The following DNAH14 variants were observed in gnomAD, a reference collection of about 807,000 sequenced individuals.
DNAH14 encodes the protein dynein axonemal heavy chain 14, also known as axonemal beta dynein heavy chain 14.
Under a neutral mutation model 520.9 loss-of-function variants are expected in DNAH14, and 478 were observed. That is an observed-to-expected ratio of 0.92 (90% CI 0.85 to 0.99). The LOEUF is 0.99. DNAH14 is among the 50% of genes least tolerant of loss of function. The pLI, the probability that DNAH14 is intolerant of heterozygous loss-of-function variation, is 0.00. For missense variants in DNAH14, 4,831 were observed against 5,234.5 expected (o/e 0.92, Z 2.38); for synonymous variants, 1,581 against 1,757.2 (o/e 0.90, Z 2.51).
chr1:224,935,722 A>G (rs2058990242), intron 1 of DNAH14, among the ~76,000 whole-genome samples: 1 of 151,924 alleles, frequency 6.6e-6, no homozygotes, highest in Admixed American at 6.6e-5. Context: ...TGAACTTAAC[A>G]AACATTTGCA....
rs569291208 is a variant in DNAH14 at position 225,357,774 on chromosome 1, T to A, written c.11620-722T>A. ...AACCTGGTACATCAAACAGGCACAC[T>A]GACGTGTGTAGCTTCAGTTTTGCTT... On this transcript the variant is annotated intron_variant, in intron 73 of 85. Coordinates refer to ENST00000682510, the MANE Select transcript of DNAH14 (RefSeq NM_001367479.1). 18 of 701,954 alleles carry A rather than the reference T, an allele frequency of 2.6e-5. No individual in the cohort carries two copies. In the South Asian group the frequency reaches 2.7e-4, roughly 10 times the overall value. 43.5% of individuals were successfully genotyped at this position (701,954 alleles called of 1,614,324 possible). A position where few individuals can be genotyped will look rare whatever the true frequency, so the allele number is the denominator to read the frequency against.
intron 53 of DNAH14, 121 bp downstream of exon 53, chr1:225,276,202 T>C (rs562889787): frequency 5.9e-6 from 1 of 169,808 alleles, no homozygotes; most frequent in South Asian, 1.9e-4. Context: ...TGTGTTTGTG[T>C]GTGAGAGAGA....
rs2095098623 is a variant in DNAH14 at position 225,338,083 on chromosome 1, C to T, written c.10334C>T (p.Pro3445Leu). The T allele has an allele frequency of 6.5e-7, 1 of 1,549,160 alleles. No individual in the cohort carries two copies. Among genetic ancestry groups the T allele is most frequent in the Non-Finnish European group, 8.7e-7 (1 of 1,146,272 alleles). The stretch of plus-strand genomic sequence containing the variant: ...CAGAATCTCCTTGAGACATTAGCTC[C>T]AGGCTTAAAGGCAATTCTGAAAAAG... The part of the protein sequence containing the change: ...LLQNLLETLA[P>L]GLKAILKKDI... Residue 3445 changes from proline (P) to leucine (L), a missense_variant, in exon 68 of 86, where the codon CCA becomes CTA. Physicochemically the swap from Pro to Leu is moderately conservative, Grantham distance 98. Transcript: ENST00000682510.
In DNAH14 at chr1:225,275,043, G is replaced by A. The variant is rs115806834; in HGVS notation, c.8011-871G>A. On this transcript the variant is annotated intron_variant, in intron 52 of 85. Transcript: ENST00000682510. ...TCCTGATTTTACAGATGAAGAAACC[G>A]AGCAGAGTAAGATTAAGATCTCACC... 4.6e-3 allele frequency among the ~76,000 whole-genome samples: 700 copies of A among 152,232 alleles called. 4 individuals carry two copies. The highest frequency in any genetic ancestry group is 0.016 in the African/African-American group (663 of 41,536).
intron 82 of DNAH14, 47 bp downstream of exon 82, chr1:225,388,538 GC>G (rs1428151178): frequency 8.5e-7 from 1 of 1,173,118 alleles, no homozygotes; most frequent in East Asian, 2.6e-5. Flanking sequence ...TTTGCTTAAA[GC>G]CCAAAGGTTT....
chr1:225,281,904 A>T (rs1007140982), intron 54 of DNAH14, among the ~76,000 whole-genome samples: 1 of 152,198 alleles, frequency 6.6e-6, no homozygotes, highest in Admixed American at 6.5e-5. Flanking sequence ...TATGATAATG[A>T]TAGTTAACAA....
chr1:225,023,422 T>G (rs2065869592), intron 10 of DNAH14, among the ~76,000 whole-genome samples, 193 bp from the exon 11 acceptor site: 1 of 151,904 alleles, frequency 6.6e-6, no homozygotes, highest in East Asian at 1.9e-4. Context: ...CTTAAATAAT[T>G]TTTAGAATTC....
At chr1:224,966,811 G>A (rs1486142374) in intron 5 of DNAH14, among the ~76,000 whole-genome samples, 1 of 152,140 alleles carries the variant, frequency 6.6e-6, no homozygotes, top group Non-Finnish European at 1.5e-5. Flanking sequence ...AGCTTCCTGA[G>A]TAGTTGAGAT....
At chr1:225,388,885 T>G (rs1279911425) in intron 82 of DNAH14, among the ~76,000 whole-genome samples, 1 of 152,100 alleles carries the variant, frequency 6.6e-6, no homozygotes, top group Non-Finnish European at 1.5e-5. Flanking sequence ...CAAGCAATTC[T>G]CCTGCCTCAG....
At chr1:225,175,166 T>C (rs1245538176) in intron 36 of DNAH14, among the ~76,000 whole-genome samples, 5 of 152,308 alleles carry the variant, frequency 3.3e-5, no homozygotes, top group African/African-American at 9.6e-5. Flanking sequence ...CTGGTGTTGA[T>C]ATCAGAGTAA....
chr1:224,967,591 T>C lies in DNAH14; in HGVS notation c.651+8T>C. ...GCTTCATTTATCTCAAAGGTAATGT[T>C]TAATGGATGTTTTAAGCTTTCAGAA... On this transcript the variant is annotated splice_region_variant and intron_variant, in intron 6 of 85. Coordinates refer to ENST00000682510, the MANE Select transcript of DNAH14 (RefSeq NM_001367479.1). 1 of 1,597,766 alleles carries C rather than the reference T, an allele frequency of 6.3e-7. No individual in the cohort carries two copies. The highest frequency in any genetic ancestry group is 8.5e-7 in the Non-Finnish European group (1 of 1,175,268).
intron 27 of DNAH14, among the ~76,000 whole-genome samples, chr1:225,129,567 A>G (rs2078157064): frequency 6.6e-6 from 1 of 152,354 alleles, no homozygotes; most frequent in Non-Finnish European, 1.5e-5. Flanking sequence ...AGCAATGTGG[A>G]AAGGATTCCC....
chr1:225,254,205 A>G (rs2092657368), intron 44 of DNAH14, among the ~76,000 whole-genome samples: 1 of 152,146 alleles, frequency 6.6e-6, no homozygotes. Flanking sequence ...TGGAGCTGAC[A>G]TATAGACCAT....
intron 11 of DNAH14, among the ~76,000 whole-genome samples, chr1:225,032,834 GA>G (rs1439627861): frequency 1.3e-5 from 2 of 152,094 alleles, no homozygotes; most frequent in African/African-American, 4.8e-5. Context: ...AATGATCAGT[GA>G]TATTGAGCTC....
At chr1:225,079,637 G>T in intron 18 of DNAH14, 89 bp downstream of exon 18, 6 of 894,818 alleles carry the variant, frequency 6.7e-6, no homozygotes, top group South Asian at 4.0e-5. Context: ...TTTGCTTTCA[G>T]TGGAATTTTG....
At chr1:225,112,743 C>T (rs1028996878) in intron 23 of DNAH14, among the ~76,000 whole-genome samples, 1 of 151,916 alleles carries the variant, frequency 6.6e-6, no homozygotes, top group African/African-American at 2.4e-5. Context: ...CTCTCTTCTG[C>T]TTGATCAATT....
At chr1:224,989,472 AT>A (rs1170786011) in intron 8 of DNAH14, among the ~76,000 whole-genome samples, 1 of 150,858 alleles carries the variant, frequency 6.6e-6, no homozygotes. Flanking sequence ...TTTTTAATAT[AT>A]TTTTTGGGAT....
chr1:225,126,814 G>T (rs573707163), intron 27 of DNAH14, among the ~76,000 whole-genome samples: 1 of 151,522 alleles, frequency 6.6e-6, no homozygotes, highest in Non-Finnish European at 1.5e-5. Flanking sequence ...TGTCAATTTT[G>T]GATCTTTCCT....
chr1:225,212,844 C>G (rs1023620857), intron 41 of DNAH14, among the ~76,000 whole-genome samples: 7 of 152,052 alleles, frequency 4.6e-5, no homozygotes, highest in Non-Finnish European at 1.0e-4. Context: ...AAAATTGTTT[C>G]CCATTCTGTA....
Sources: allele counts gnomAD v4.1 joint callset (sites outside exome capture counted in the v4.1 genomes callset), GRCh38; gene constraint gnomAD v4.1.1; transcripts MANE v1.5; gene names NCBI Gene and HGNC (gene_info 2026-07-23, HGNC 2026-07-21).